The following DDX19A variants were observed in gnomAD, a reference collection of about 807,000 sequenced individuals.
DDX19A encodes ATP-dependent RNA helicase DDX19A.
DDX19A carries 12 observed loss-of-function variants against 60.6 expected under a neutral mutation model. The observed-to-expected ratio is 0.20, with a 90% CI of 0.13 to 0.32. DDX19A has a LOEUF of 0.32. Among genes scored for constraint, DDX19A ranks in the 10% least tolerant of loss-of-function variants. The pLI, the probability that DDX19A is intolerant of heterozygous loss-of-function variation, is 1.00. For synonymous variants in DDX19A, 206 were observed against 218.2 expected, an observed-to-expected ratio of 0.94 and a Z score of 0.49; for missense variants, 337 against 600.6, an observed-to-expected ratio of 0.56 and a Z score of 4.59.
chr16:70,370,463 C>G lies in DDX19A; in HGVS notation c.1183+78C>G, dbSNP rs143238662. 6 of 1,550,704 alleles carry G rather than the reference C, an allele frequency of 3.9e-6. 1 individual carries two copies. The African/African-American group carries it at 8.2e-5, about 21-fold the overall frequency. The stretch of plus-strand genomic sequence containing the variant: ...AATTAGAGCCAGAAATCCTTGTATA[C>G]AGGGAAGTCGGATGGTCTCAGGGAG... On this transcript the variant is annotated intron_variant, in intron 10 of 11. Transcript: ENST00000302243.
chr16:70,358,647 C>T (rs1964286709), intron 4 of DDX19A, among the ~76,000 whole-genome samples: 2 of 151,960 alleles, frequency 1.3e-5, no homozygotes, highest in African/African-American at 4.8e-5. Context: ...AGTTCGAGAC[C>T]AGACTGGTCA....
At chr16:70,354,997 G>A (rs1388990984) in intron 2 of DDX19A, among the ~76,000 whole-genome samples, 1 of 149,582 alleles carries the variant, frequency 6.7e-6, no homozygotes, top group East Asian at 1.9e-4. Context: ...GGGAGACCCT[G>A]TCTCAAAAAA....
chr16:70,357,330 G>A (rs890225689), intron 4 of DDX19A, among the ~76,000 whole-genome samples: 5 of 110,416 alleles, frequency 4.5e-5, no homozygotes, highest in African/African-American at 1.7e-4. Flanking sequence ...CAGTTTATCT[G>A]CTTTTTAAAA....
intron 10 of DDX19A, 72 bp downstream of exon 10, chr16:70,370,457 T>C: frequency 6.4e-7 from 1 of 1,564,712 alleles, no homozygotes; most frequent in Non-Finnish European, 8.7e-7. Flanking sequence ...CAGAAATCCT[T>C]GTATACAGGG....
At chr16:70,368,585 T>C (rs928325416) in intron 9 of DDX19A, among the ~76,000 whole-genome samples, 4 of 145,900 alleles carry the variant, frequency 2.7e-5, no homozygotes, top group Non-Finnish European at 4.6e-5. Flanking sequence ...AAAATACTCT[T>C]TTTTTTTTTT....
chr16:70,364,948 A>G, intron 6 of DDX19A, 69 bp from the exon 7 acceptor site: 1 of 1,195,808 alleles, frequency 8.4e-7, no homozygotes, highest in Non-Finnish European at 1.2e-6. Flanking sequence ...TAACATCAGC[A>G]TACTGGGTGC....
In DDX19A at chr16:70,355,631, G is replaced by C. The variant is rs1162950551; in HGVS notation, c.157+96G>C. 24 of 988,206 alleles carry C rather than the reference G, an allele frequency of 2.4e-5. No individual in the cohort carries two copies. The East Asian group carries it at 5.8e-4, about 24-fold the overall frequency. The allele number at this position is 988,206 out of a possible 1,614,324, so 61.2% of individuals were successfully genotyped here. On this transcript the variant is annotated intron_variant, in intron 3 of 11. Coordinates refer to ENST00000302243, the MANE Select transcript of DDX19A (RefSeq NM_018332.5). ...CTCCAAGCTACAAGATCCAGGAGATGAGAGGAATCAGAGAAGGAATAGTCA... is the reference window on the plus strand; with the variant it reads ...CTCCAAGCTACAAGATCCAGGAGATCAGAGGAATCAGAGAAGGAATAGTCA...
chr16:70,354,066 C>T (rs1964113050), intron 2 of DDX19A, among the ~76,000 whole-genome samples: 1 of 151,834 alleles, frequency 6.6e-6, no homozygotes, highest in South Asian at 2.1e-4. Context: ...GCTATGTTGC[C>T]CAGGCTGACA....
At chr16:70,350,108 G>A (rs537942147) in intron 1 of DDX19A, among the ~76,000 whole-genome samples, 1 of 152,118 alleles carries the variant, frequency 6.6e-6, no homozygotes. Context: ...TTGAGTTCAA[G>A]TAGGCATGGT....
chr16:70,357,732 T>C (rs2151635292), intron 4 of DDX19A, among the ~76,000 whole-genome samples: 1 of 152,220 alleles, frequency 6.6e-6, no homozygotes. Context: ...TAAGTGTGGA[T>C]CATTGTGTTA....
chr16:70,365,088 T>C lies in DDX19A; in HGVS notation c.561T>C (p.Phe187=). The part of the protein sequence containing the change: ...TGKVIEQMGK[F]YPELKLAYAV... ...AAGTGATTGAGCAGATGGGCAAATT[T>C]TACCCAGAACTGAAGCTTGCCTATG... Residue 187 remains phenylalanine, a synonymous_variant, in exon 7 of 12, where the codon TTT becomes TTC. Transcript: ENST00000302243. 1.2e-6 allele frequency: 2 copies of C among 1,614,190 alleles called. No individual in the cohort carries two copies. The highest frequency in any genetic ancestry group is 1.7e-6 in the Non-Finnish European group (2 of 1,180,020).
At chr16:70,361,594 G>C (rs1244441860) in intron 5 of DDX19A, 84 bp downstream of exon 5, 14 of 1,086,982 alleles carry the variant, frequency 1.3e-5, no homozygotes, top group South Asian at 1.3e-5. Context: ...GAGAACAGAA[G>C]GAGCTGTTTG....
chr16:70,351,428 ACCT>A (rs1391730816), intron 2 of DDX19A, among the ~76,000 whole-genome samples: 1 of 142,470 alleles, frequency 7.0e-6, no homozygotes, highest in Non-Finnish European at 1.5e-5. Flanking sequence ...GCTGGTCTTG[ACCT>A]CCTGAGCTCA....
At chr16:70,353,694 A>C (rs1312319309) in intron 2 of DDX19A, among the ~76,000 whole-genome samples, 1 of 149,224 alleles carries the variant, frequency 6.7e-6, no homozygotes, top group Non-Finnish European at 1.5e-5. Context: ...TGAGGTCGGG[A>C]GTTTGAGACC....
At chr16:70,354,352 G>A (rs944195667) in intron 2 of DDX19A, among the ~76,000 whole-genome samples, 2 of 151,982 alleles carry the variant, frequency 1.3e-5, no homozygotes, top group Non-Finnish European at 2.9e-5. Flanking sequence ...TCTCCATGTT[G>A]GTCAGGCTGG....
intron 2 of DDX19A, among the ~76,000 whole-genome samples, chr16:70,354,407 A>G (rs189185904): frequency 6.6e-6 from 1 of 152,308 alleles, no homozygotes; most frequent in Non-Finnish European, 1.5e-5. Context: ...TCAGCCTCCC[A>G]AAGTGCTGGA....
chr16:70,356,020 C>T, intron 3 of DDX19A, 92 bp from the exon 4 acceptor site: 1 of 1,540,440 alleles, frequency 6.5e-7, no homozygotes, highest in Non-Finnish European at 8.9e-7. Flanking sequence ...GCTTGACTGC[C>T]CAGGTGCTAG....
Position 70,353,691 on chromosome 16 carries a change from G to A in DDX19A, c.107-1794G>A, listed in dbSNP as rs187066108. 3.6e-3 allele frequency among the ~76,000 whole-genome samples: 286 copies of A among 79,626 alleles called. 5 individuals carry two copies. Among genetic ancestry groups the A allele is most frequent in the African/African-American group, 7.8e-3 (280 of 35,890 alleles). 52.2% of individuals were successfully genotyped at this position (79,626 alleles called of 152,430 possible). On this transcript the variant is annotated intron_variant, in intron 2 of 11. Transcript: ENST00000302243. ...TGAGGCGGGTGGATCACCTGAGGTC[G>A]GGAGTTTGAGACCAGCCTGGCCAAT...
chr16:70,363,339 C>CTGTT (rs59595961), intron 5 of DDX19A: 87,849 of 150,550 alleles, frequency 0.58, 27,135 homozygotes, highest in African/African-American at 0.81. Context: ...ATTTTTTTGT[C>CTGTT]TGTTCGTTTG....
Sources: gnomAD v4.1 joint callset for allele counts (sites outside exome capture counted in the v4.1 genomes callset) on GRCh38, gnomAD v4.1.1 for gene constraint, MANE v1.5 for transcripts, NCBI Gene and HGNC (gene_info 2026-07-23, HGNC 2026-07-21) for gene names.